PLCG2: variants seen among roughly 807,000 people sequenced by gnomAD.
The protein encoded by PLCG2 is phospholipase C gamma 2, also known as 1-phosphatidylinositol 4,5-bisphosphate phosphodiesterase gamma-2.
A neutral mutation model predicts 175.6 loss-of-function variants in PLCG2; 69 were observed. The ratio of observed to expected loss-of-function variants is 0.39; its 90% CI spans 0.32 to 0.48. The LOEUF is 0.48. PLCG2 is among the 20% of genes least tolerant of loss of function. The pLI is 0.91. For missense variants in PLCG2, 1,798 were observed against 1,650.9 expected, an observed-to-expected ratio of 1.09 and a Z score of -1.54; for synonymous variants, 827 against 624.0, an observed-to-expected ratio of 1.33 and a Z score of -4.85.
Position 81,908,400 on chromosome 16 carries a change from T to C in PLCG2, c.1558-16T>C. The stretch of plus-strand genomic sequence containing the variant: ...GTCCAAGGCTTTCAGAAACCCCTCC[T>C]CTCTTTGCGGCCCAGGATATACCCC... On this transcript the variant is annotated splice_polypyrimidine_tract_variant and intron_variant, in intron 16 of 32. Transcript: ENST00000564138. The C allele has an allele frequency of 1.2e-6, 2 of 1,610,864 alleles. No individual in the cohort carries two copies. Among genetic ancestry groups the C allele is most frequent in the Non-Finnish European group, 1.7e-6 (2 of 1,178,008 alleles).
At position 81,882,795 on chromosome 16, in the gene PLCG2, T is replaced by C. The variant is rs982531363; in HGVS notation, c.693-474T>C. 3.3e-5 allele frequency among the ~76,000 whole-genome samples: 5 copies of C among 152,092 alleles called. No individual in the cohort carries two copies. In the South Asian group the frequency reaches 6.3e-4, roughly 19 times the overall value. The stretch of plus-strand genomic sequence containing the variant: ...GCTCACCCCACCTCGTTCTGGCTCA[T>C]CCCACCTCACTCTCTGGAGCTCAAG... On this transcript the variant is annotated intron_variant, in intron 8 of 32. Coordinates refer to ENST00000564138, the MANE Select transcript of PLCG2 (RefSeq NM_002661.5).
At chr16:81,940,207 C>A in intron 30 of PLCG2, 148 bp downstream of exon 30, 1 of 619,532 alleles carries the variant, frequency 1.6e-6, no homozygotes, top group South Asian at 2.0e-5. Flanking sequence ...AGCAGGTGTA[C>A]AGCCTGTCGT....
intron 20 of PLCG2, among the ~76,000 whole-genome samples, 183 bp downstream of exon 20, chr16:81,919,847 G>A (rs1037331860): frequency 2.0e-5 from 3 of 152,156 alleles, no homozygotes; most frequent in African/African-American, 7.2e-5. Context: ...TAGTGTTGGG[G>A]AGATGCAACA....
chr16:81,917,754 C>T (rs970478841), intron 19 of PLCG2, among the ~76,000 whole-genome samples: 2 of 152,148 alleles, frequency 1.3e-5, no homozygotes, highest in Non-Finnish European at 2.9e-5. Context: ...TGGAGTCTTG[C>T]TCTGTTGCCC....
At chr16:81,798,039 C>T (rs996059155) in intron 2 of PLCG2, among the ~76,000 whole-genome samples, 1 of 152,044 alleles carries the variant, frequency 6.6e-6, no homozygotes, top group Non-Finnish European at 1.5e-5. Flanking sequence ...CCATGTTGAC[C>T]AGGCTGGCCT....
intron 2 of PLCG2, among the ~76,000 whole-genome samples, chr16:81,819,860 A>G (rs1904718820): frequency 6.6e-6 from 1 of 152,230 alleles, no homozygotes; most frequent in Non-Finnish European, 1.5e-5. Flanking sequence ...CTGGGATTAC[A>G]GCTGTGAGCC....
At chr16:81,823,257 T>C (rs1300743064) in intron 2 of PLCG2, among the ~76,000 whole-genome samples, 1 of 152,238 alleles carries the variant, frequency 6.6e-6, no homozygotes, top group East Asian at 1.9e-4. Context: ...ACTGGATCTC[T>C]GCAGTCAGGC....
intron 2 of PLCG2, among the ~76,000 whole-genome samples, chr16:81,823,513 G>C (rs1472005223): frequency 6.6e-6 from 1 of 152,108 alleles, no homozygotes; most frequent in African/African-American, 2.4e-5. Flanking sequence ...AAGGCTTTAA[G>C]ATGACTGTTT....
At chr16:81,765,907 G>A (rs1030463475) in intron 2 of PLCG2, among the ~76,000 whole-genome samples, 6 of 152,214 alleles carry the variant, frequency 3.9e-5, no homozygotes, top group African/African-American at 9.6e-5. Context: ...GGCCCTGGGG[G>A]CCCCCACAGG....
chr16:81,899,465 A>G (rs1253768642), intron 13 of PLCG2, among the ~76,000 whole-genome samples: 1 of 152,076 alleles, frequency 6.6e-6, no homozygotes, highest in Non-Finnish European at 1.5e-5. Context: ...TCAAATCTCA[A>G]AGCACTCTGA....
intron 2 of PLCG2, among the ~76,000 whole-genome samples, chr16:81,824,693 G>T (rs888021435): frequency 6.6e-6 from 1 of 152,220 alleles, no homozygotes; most frequent in Non-Finnish European, 1.5e-5. Flanking sequence ...GGATCCTCTC[G>T]TAGCTGCCAT....
At chr16:81,774,661 G>A (rs1384479411), upstream of PLCG2, among the ~76,000 whole-genome samples, 2 of 152,150 alleles carry the variant, frequency 1.3e-5, no homozygotes, top group Non-Finnish European at 2.9e-5. Flanking sequence ...GCAGGGCGGT[G>A]GACCTCAGCC....
At chr16:81,918,276 A>C (rs974955475) in intron 19 of PLCG2, among the ~76,000 whole-genome samples, 3 of 152,154 alleles carry the variant, frequency 2.0e-5, no homozygotes, top group African/African-American at 7.2e-5. Context: ...AATTGCCCAG[A>C]CCAATGCTAC....
chr16:81,901,505 A>G (rs1909149808), intron 14 of PLCG2, among the ~76,000 whole-genome samples: 1 of 152,208 alleles, frequency 6.6e-6, no homozygotes, highest in South Asian at 2.1e-4. Context: ...AGCATCTCTC[A>G]GGGCAGCAGT....
At chr16:81,900,838 G>C (rs960322281) in intron 14 of PLCG2, 58 bp downstream of exon 14, 1 of 1,505,836 alleles carries the variant, frequency 6.6e-7, no homozygotes. Context: ...TCGGTTCCCC[G>C]GCTCTGGGTC....
At chr16:81,846,574 C>T (rs1906130194) in intron 2 of PLCG2, among the ~76,000 whole-genome samples, 2 of 152,168 alleles carry the variant, frequency 1.3e-5, no homozygotes, top group East Asian at 3.8e-4. Context: ...CTGTAAGACC[C>T]TTGAGGGCCA....
rs1168087386 is a variant in PLCG2, at chr16:81,961,744, G to A, written c.*3746G>A. ...AAATAACTTATATTAAGAACCTCCT[G>A]GGCTAAATTTAAAAAGTAATACAAC... On this transcript the variant is annotated 3_prime_UTR_variant, in exon 33 of 33. Transcript: ENST00000564138. 4.9e-6 allele frequency: 1 copy of A among 205,344 alleles called. No individual in the cohort carries two copies. Among genetic ancestry groups the A allele is most frequent in the Admixed American group, 5.9e-5 (1 of 16,838 alleles). 12.7% of individuals were successfully genotyped at this position (205,344 alleles called of 1,614,324 possible).
At chr16:81,856,873 G>T (rs1906711890) in intron 3 of PLCG2, among the ~76,000 whole-genome samples, 1 of 152,170 alleles carries the variant, frequency 6.6e-6, no homozygotes, top group South Asian at 2.1e-4. Flanking sequence ...ACCCGGGAAG[G>T]TCATTCCCAG....
intron 17 of PLCG2, among the ~76,000 whole-genome samples, chr16:81,910,016 G>C (rs1227034574): frequency 4.1e-5 from 6 of 145,542 alleles, no homozygotes; most frequent in East Asian, 2.4e-4. Flanking sequence ...GGGGTGGGGT[G>C]GGGTGGGGGA....
Sources: gnomAD v4.1 joint callset for allele counts (sites outside exome capture counted in the v4.1 genomes callset) on GRCh38, gnomAD v4.1.1 for gene constraint, MANE v1.5 for transcripts, NCBI Gene and HGNC (gene_info 2026-07-23, HGNC 2026-07-21) for gene names.